The following FABP12 variants were observed in gnomAD, a reference collection of about 807,000 sequenced individuals.
FABP12 encodes the protein fatty acid-binding protein 12.
FABP12 carries 19 observed loss-of-function variants against 13.7 expected under a neutral mutation model. That is an observed-to-expected ratio of 1.39 (90% confidence interval 0.97 to 2.04). FABP12 has a LOEUF of 2.04. Among genes scored for constraint, FABP12 ranks in the 30% most tolerant of loss-of-function variants. The pLI, the probability that FABP12 is intolerant of heterozygous loss-of-function variation, is 0.00. For missense variants in FABP12, 182 were observed against 164.2 expected (o/e 1.11, Z -0.59); for synonymous variants, 61 against 57.0 (o/e 1.07, Z -0.32).
At chr8:81,532,106 G>A (rs1158123920) in intron 1 of FABP12, among the ~76,000 whole-genome samples, 1 of 152,132 alleles carries the variant, frequency 6.6e-6, no homozygotes, top group Non-Finnish European at 1.5e-5. Context: ...AACCCTGACT[G>A]TAAAATCTCA....
intron 1 of FABP12, among the ~76,000 whole-genome samples, chr8:81,571,234 G>A (rs1707202218): frequency 6.6e-6 from 1 of 152,252 alleles, no homozygotes; most frequent in Non-Finnish European, 1.5e-5. Context: ...AGCCAGAGCA[G>A]GCACCTCCGA....
intron 1 of FABP12, among the ~76,000 whole-genome samples, chr8:81,568,279 G>GA (rs573997331): frequency 1.1e-3 from 167 of 151,642 alleles, no homozygotes; most frequent in African/African-American, 3.8e-3. Flanking sequence ...AACTCAATAG[G>GA]AAAAAAAACC....
chr8:81,529,426 C>A lies in FABP12; in HGVS notation c.246+12G>T, dbSNP rs186777465. 29 of 1,612,708 alleles carry A rather than the reference C, an allele frequency of 1.8e-5. No individual in the cohort carries two copies. Among genetic ancestry groups the A allele is most frequent in the Non-Finnish European group, 2.4e-5 (28 of 1,178,876 alleles). On this transcript the variant is annotated intron_variant, in intron 3 of 4. Transcript: ENST00000360464. The stretch of plus-strand genomic sequence containing the variant: ...TTTTGAAATGTGTCTGAAAGACTGT[C>A]GTAGGCCTCACCTTTGTTTTGTGGC...
intron 1 of FABP12, among the ~76,000 whole-genome samples, chr8:81,542,820 G>A (rs554795961): frequency 2.1e-4 from 32 of 152,158 alleles, no homozygotes; most frequent in Admixed American, 3.9e-4. Context: ...CCCACATTTT[G>A]AGCAGAATAG....
upstream of FABP12, among the ~76,000 whole-genome samples, chr8:81,535,568 T>A (rs942468299): frequency 6.6e-6 from 1 of 152,184 alleles, no homozygotes; most frequent in African/African-American, 2.4e-5. Context: ...TGGCCAGGAT[T>A]CTATTTATTA....
At chr8:81,552,095 G>A (rs115945218) in intron 1 of FABP12, among the ~76,000 whole-genome samples, 2,190 of 152,210 alleles carry the variant, frequency 0.014, 45 homozygotes, top group African/African-American at 0.049. Flanking sequence ...TGTGGGGTAC[G>A]AGGGAAACTC....
chr8:81,588,870 T>A (rs995000879), intron 1 of FABP12, among the ~76,000 whole-genome samples: 13 of 152,178 alleles, frequency 8.5e-5, no homozygotes, highest in African/African-American at 2.7e-4. Flanking sequence ...GAAAGCCATA[T>A]GAATATCCCA....
At chr8:81,527,876 C>G (rs1585832388) in intron 3 of FABP12, among the ~76,000 whole-genome samples, 2 of 152,096 alleles carry the variant, frequency 1.3e-5, no homozygotes, top group East Asian at 3.9e-4. Context: ...GGAGAATCAC[C>G]TGAGCCTGGG....
At chr8:81,589,148 G>A (rs1009161462) in intron 1 of FABP12, among the ~76,000 whole-genome samples, 3 of 152,290 alleles carry the variant, frequency 2.0e-5, no homozygotes, top group Non-Finnish European at 2.9e-5. Flanking sequence ...CCGCCTTCCC[G>A]AAGGAAAAAG....
At chr8:81,544,216 G>A (rs571067322) in intron 1 of FABP12, among the ~76,000 whole-genome samples, 1 of 152,276 alleles carries the variant, frequency 6.6e-6, no homozygotes, top group South Asian at 2.1e-4. Flanking sequence ...ACGTTAACTG[G>A]GTGGCTTATG....
intron 1 of FABP12, among the ~76,000 whole-genome samples, chr8:81,541,747 G>A (rs1027242055): frequency 6.6e-6 from 1 of 151,806 alleles, no homozygotes; most frequent in Non-Finnish European, 1.5e-5. Context: ...CCATGCTGAC[G>A]ATACTTGGAT....
intron 2 of FABP12, among the ~76,000 whole-genome samples, chr8:81,539,433 C>CTTTTTTTTTTTTTTTTTTT (rs35386904): frequency 4.0e-5 from 2 of 50,018 alleles, no homozygotes; most frequent in Non-Finnish European, 6.9e-5. Flanking sequence ...TTCTTTAGTT[C>CTTTTTTTTTTTTTTTTTTT]TTTTTTTTTT....
At chr8:81,559,305 C>T (rs951948364) in intron 1 of FABP12, among the ~76,000 whole-genome samples, 1 of 152,130 alleles carries the variant, frequency 6.6e-6, no homozygotes, top group Non-Finnish European at 1.5e-5. Context: ...CGTTTTATGC[C>T]CCCCCGAGTT....
chr8:81,590,115 A>C (rs1190753218), exon 1 of FABP12, among the ~76,000 whole-genome samples: 1 of 152,218 alleles, frequency 6.6e-6, no homozygotes, highest in East Asian at 1.9e-4. Context: ...TTCCACCTGC[A>C]TGTTATGCAG....
intron 1 of FABP12, among the ~76,000 whole-genome samples, chr8:81,542,659 G>A (rs1809369749): frequency 1.3e-5 from 2 of 152,188 alleles, no homozygotes; most frequent in Non-Finnish European, 1.5e-5. Flanking sequence ...AGTGCAGAGT[G>A]TACTCAAGTT....
exon 3 of FABP12, chr8:81,529,449 G>C: frequency 6.2e-7 from 1 of 1,613,786 alleles, no homozygotes; most frequent in Non-Finnish European, 8.5e-7. Context: ...TTTGTTTTGT[G>C]GCCACCTGGC....
intron 1 of FABP12, among the ~76,000 whole-genome samples, chr8:81,555,757 AT>A: frequency 6.6e-6 from 1 of 152,360 alleles, no homozygotes; most frequent in African/African-American, 2.4e-5. Context: ...TGCATTCTTA[AT>A]AAAAAATTTT....
At chr8:81,546,375 T>C (rs1232446839) in intron 1 of FABP12, among the ~76,000 whole-genome samples, 1 of 151,968 alleles carries the variant, frequency 6.6e-6, no homozygotes, top group Non-Finnish European at 1.5e-5. Flanking sequence ...TCAAAATGGC[T>C]GGGCGCAGTG....
intron 1 of FABP12, among the ~76,000 whole-genome samples, chr8:81,572,103 C>T (rs150068715): frequency 6.8e-6 from 1 of 147,514 alleles, no homozygotes; most frequent in South Asian, 2.2e-4. Flanking sequence ...TATACCTTGC[C>T]CCCTCCCACT....
Sources: allele counts gnomAD v4.1 joint callset (sites outside exome capture counted in the v4.1 genomes callset), GRCh38; gene constraint gnomAD v4.1.1; transcripts MANE v1.5; gene names NCBI Gene and HGNC (gene_info 2026-07-23, HGNC 2026-07-21).